The following NBPF9 variants were observed in gnomAD, a reference collection of about 807,000 sequenced individuals.
NBPF9 encodes NBPF family member NBPF9.
NBPF9 carries 91 observed loss-of-function variants against 97.8 expected under a neutral mutation model. The observed-to-expected ratio is 0.93, with a 90% CI of 0.79 to 1.11. The LOEUF (loss-of-function observed/expected upper bound fraction) is 1.11. NBPF9 is among the 50% of genes least tolerant of loss of function. NBPF9 has a pLI of 0.00. For missense variants in NBPF9, 992 were observed against 939.5 expected (o/e 1.06, Z -0.73); for synonymous variants, 334 against 359.5 (o/e 0.93, Z 0.80).
intron 15 of NBPF9, 43 bp from the exon 16 acceptor site, chr1:149,071,182 A>G: frequency 7.7e-7 from 1 of 1,291,350 alleles, no homozygotes; most frequent in South Asian, 1.2e-5. Context: ...GATTAAACAC[A>G]GAGGGATTGG....
chr1:149,062,463 G>T (rs1355270997), intron 21 of NBPF9, among the ~76,000 whole-genome samples, 198 bp from the exon 22 acceptor site: 2 of 144,556 alleles, frequency 1.4e-5, no homozygotes, highest in Admixed American at 7.2e-5. Context: ...GACAGGGAGA[G>T]GGAGAGAGAG....
At chr1:149,054,252 G>A (rs1343151573) in exon 30 of NBPF9, 3 of 119,040 alleles carry the variant, frequency 2.5e-5, no homozygotes, top group African/African-American at 9.5e-5. Flanking sequence ...AAAAACAAAG[G>A]CACAGTAAAA....
chr1:149,099,215 C>G (rs1233799461), intron 3 of NBPF9, among the ~76,000 whole-genome samples: 1 of 152,382 alleles, frequency 6.6e-6, no homozygotes, highest in Admixed American at 6.5e-5. Context: ...ATCTCATCTA[C>G]TGGTCTATCT....
intron 5 of NBPF9, among the ~76,000 whole-genome samples, chr1:149,084,770 T>G (rs1206913848): frequency 2.7e-5 from 4 of 149,974 alleles, no homozygotes; most frequent in Non-Finnish European, 5.9e-5. Context: ...TGGTCAAGCT[T>G]TGTCATGAAT....
At chr1:149,068,591 T>C (rs1398609427) in intron 17 of NBPF9, among the ~76,000 whole-genome samples, 2 of 151,436 alleles carry the variant, frequency 1.3e-5, no homozygotes, top group African/African-American at 4.9e-5. Flanking sequence ...CCTAAATATA[T>C]ATGCACCCTA....
rs587647591 is a variant in NBPF9, at chr1:149,064,699, G to A, written c.1802-217C>T. The A allele has an allele frequency of 1.7e-4, 106 of 615,812 alleles. 1 individual carries two copies. The African/African-American group carries it at 1.8e-3, about 10-fold the overall frequency. The allele number at this position is 615,812 out of a possible 1,614,324, so 38.1% of individuals were successfully genotyped here. ...GGGCAAAATTCCCCTGTGTTGGAAT[G>A]TTATCTTCCCTATGTGCTCTGTCCT... On this transcript the variant is annotated intron_variant, in intron 18 of 29. Coordinates refer to ENST00000584027, the Ensembl canonical transcript of NBPF9.
At chr1:149,085,337 A>G (rs2080902622) in intron 5 of NBPF9, among the ~76,000 whole-genome samples, 1 of 152,186 alleles carries the variant, frequency 6.6e-6, no homozygotes, top group African/African-American at 2.4e-5. Flanking sequence ...GAATACTTAC[A>G]CCATTACTAC....
At position 149,075,804 on chromosome 1, in the gene NBPF9, GA is replaced by G. The variant is rs2079816655; in HGVS notation, c.838del (p.Ser280ProfsTer7). 6.4e-7 allele frequency: 1 copy of G among 1,574,472 alleles called. No individual in the cohort carries two copies. Among genetic ancestry groups the G allele is most frequent in the Non-Finnish European group, 8.7e-7 (1 of 1,145,882 alleles). ...AATGTTCATCTCTGCCTTCTCGCTG[GA>G]CAAAGGGCCGGCTGATACCACCATG... is the stretch of plus-strand genomic sequence containing the variant. On this transcript the variant is annotated frameshift_variant, in exon 12 of 30. Transcript: ENST00000584027. LOFTEE classifies it high-confidence loss of function.
At chr1:149,102,787 G>C (rs1404876334) in exon 2 of NBPF9, 1 of 152,118 alleles carries the variant, frequency 6.6e-6, no homozygotes, top group South Asian at 2.1e-4. Flanking sequence ...ATTCAGTGAC[G>C]GCTACAAACG....
intron 18 of NBPF9, 151 bp from the exon 19 acceptor site, chr1:149,064,633 CAA>C (rs1402122410): frequency 1.6e-6 from 1 of 626,820 alleles, no homozygotes; most frequent in Non-Finnish European, 2.8e-6. Context: ...GGCCTGAGGT[CAA>C]GTCTTGAGAA....
At chr1:149,056,003 A>T in intron 29 of NBPF9, 104 bp from the exon 30 acceptor site, 1 of 1,604,458 alleles carries the variant, frequency 6.2e-7, no homozygotes, top group Non-Finnish European at 8.5e-7. Flanking sequence ...GAAAAGAAAA[A>T]GGATAGATCC....
chr1:149,059,625 A>G, intron 25 of NBPF9, 75 bp downstream of exon 25: 1 of 538,368 alleles, frequency 1.9e-6, no homozygotes, highest in South Asian at 2.0e-5. Context: ...GACATCAAAC[A>G]CACTCTGGTT....
At chr1:149,056,315 T>C (rs1553648984) in intron 29 of NBPF9, among the ~76,000 whole-genome samples, 197 bp downstream of exon 29, 1 of 121,256 alleles carries the variant, frequency 8.2e-6, no homozygotes, top group Non-Finnish European at 1.7e-5. Context: ...ATGGTCAACC[T>C]ATGGTACGTT....
At chr1:149,099,439 T>C (rs1195739638) in intron 3 of NBPF9, among the ~76,000 whole-genome samples, 1 of 152,248 alleles carries the variant, frequency 6.6e-6, no homozygotes, top group African/African-American at 2.4e-5. Flanking sequence ...GAATATGGTA[T>C]ATTAGTATGT....
At position 149,073,757 on chromosome 1, in the gene NBPF9, G is replaced by C; in HGVS notation, c.1091+11C>G. 2 of 1,580,190 alleles carry C rather than the reference G, an allele frequency of 1.3e-6. No homozygotes were observed. Among genetic ancestry groups the C allele is most frequent in the South Asian group, 2.2e-5 (2 of 89,866 alleles). ...CCTGCCCCCCTGCCTGCCCCCATGG[G>C]GTCCCCTCACCTGAGCTCCTCAGCT... On this transcript the variant is annotated intron_variant, in intron 13 of 29. Transcript: ENST00000584027.
At position 149,076,936 on chromosome 1, in the gene NBPF9, A is replaced by G. The variant is rs1326515264; in HGVS notation, c.778+272T>C. ...AAGTCTCCTGAGCAGTTGGGACTAT[A>G]GGCATGCAGCACCATGCCTGCCTAA... On this transcript the variant is annotated intron_variant, in intron 11 of 29. Coordinates refer to ENST00000584027, the Ensembl canonical transcript of NBPF9. Among the ~76,000 whole-genome samples, 5 of 151,352 alleles carry G rather than the reference A, an allele frequency of 3.3e-5. No homozygotes were observed. The East Asian group carries it at 9.7e-4, about 29-fold the overall frequency.
chr1:149,075,221 TCA>T (rs1553654003), intron 12 of NBPF9, among the ~76,000 whole-genome samples: 1 of 151,762 alleles, frequency 6.6e-6, no homozygotes, highest in East Asian at 1.9e-4. Flanking sequence ...CAAGTTTCCC[TCA>T]GAGTCACTAG....
At chr1:149,063,232 C>G (rs2078757082) in intron 20 of NBPF9, among the ~76,000 whole-genome samples, 1 of 127,498 alleles carries the variant, frequency 7.8e-6, no homozygotes, top group East Asian at 2.8e-4. Flanking sequence ...AGGAGAAAAA[C>G]TGCACTATTC....
At chr1:149,086,231 AACAACTGTTTCAGTACCGACTG>A in intron 5 of NBPF9, among the ~76,000 whole-genome samples, 1 of 150,256 alleles carries the variant, frequency 6.7e-6, no homozygotes, top group African/African-American at 2.4e-5. Flanking sequence ...AGGCCTCCCT[AACAACTGTTTCAGTACCGACTG>A]AGTGGTTCAA....
Sources: allele counts gnomAD v4.1 joint callset (sites outside exome capture counted in the v4.1 genomes callset), GRCh38; gene constraint gnomAD v4.1.1; transcripts MANE v1.5; gene names NCBI Gene and HGNC (gene_info 2026-07-23, HGNC 2026-07-21).